COL11A1: variants seen among roughly 807,000 people sequenced by gnomAD.
The protein encoded by COL11A1 is collagen type XI alpha 1 chain.
COL11A1 carries 74 observed loss-of-function variants against 265.2 expected under a neutral mutation model. The ratio of observed to expected loss-of-function variants is 0.28; its 90% CI spans 0.23 to 0.34. The LOEUF (loss-of-function observed/expected upper bound fraction) is 0.34, where lower values mean the gene tolerates loss of function less well. Among genes scored for constraint, COL11A1 ranks in the 10% least tolerant of loss-of-function variants. The pLI is 1.00. For synonymous variants in COL11A1, 816 were observed against 727.6 expected (o/e 1.12, Z -1.96); for missense variants, 2,165 against 2,263.6 (o/e 0.96, Z 0.88).
chr1:102,978,107 A>T (rs1481994529), intron 35 of COL11A1, among the ~76,000 whole-genome samples: 1 of 152,202 alleles, frequency 6.6e-6, no homozygotes, highest in Non-Finnish European at 1.5e-5. Flanking sequence ...ACTTAAACTT[A>T]TATCAGGAGG....
intron 63 of COL11A1, among the ~76,000 whole-genome samples, chr1:102,884,771 G>A (rs1284742247): frequency 2.0e-5 from 3 of 152,096 alleles, no homozygotes; most frequent in African/African-American, 4.8e-5. Context: ...CCAAGTCAAA[G>A]GTCAAACCAT....
chr1:102,915,800 A>G, intron 49 of COL11A1, 116 bp from the exon 50 acceptor site: 1 of 829,950 alleles, frequency 1.2e-6, no homozygotes, highest in Non-Finnish European at 1.9e-6. Context: ...ATTATTTAAA[A>G]GGCATTGAAA....
chr1:102,888,934 A>G lies in COL11A1; in HGVS notation c.4465-15T>C. On this transcript the variant is annotated splice_polypyrimidine_tract_variant and intron_variant, in intron 59 of 66. Transcript: ENST00000370096. ...CCAGGAATTCCCTAGAGAGAGAATC[A>G]GCCAATTTAAAGGGATTTTCTCAGC... The G allele has an allele frequency of 1.2e-6, 2 of 1,608,902 alleles. No individual in the cohort carries two copies. Among genetic ancestry groups the G allele is most frequent in the South Asian group, 1.1e-5 (1 of 90,982 alleles).
At chr1:103,065,570 AAAC>A (rs1185313328) in intron 4 of COL11A1, among the ~76,000 whole-genome samples, 935 of 56,744 alleles carry the variant, frequency 0.016, 8 homozygotes, top group East Asian at 0.057. Flanking sequence ...ACAAACAAAC[AAAC>A]AAAAAAAATA....
At chr1:102,878,668 G>A (rs1412202065) in intron 66 of COL11A1, among the ~76,000 whole-genome samples, 2 of 150,714 alleles carry the variant, frequency 1.3e-5, no homozygotes, top group South Asian at 2.1e-4. Flanking sequence ...GTGCCACCAT[G>A]CCCAGCTACT....
intron 4 of COL11A1, among the ~76,000 whole-genome samples, chr1:103,064,203 A>T (rs1319291852): frequency 6.6e-6 from 1 of 152,142 alleles, no homozygotes; most frequent in African/African-American, 2.4e-5. Flanking sequence ...ACTTCTTGGT[A>T]TTTATCCAAA....
Position 102,944,408 on chromosome 1 carries a change from C to A in COL11A1, c.3276+2441G>T, listed in dbSNP as rs193254830. On this transcript the variant is annotated intron_variant, in intron 42 of 66. Coordinates refer to ENST00000370096, the MANE Select transcript of COL11A1 (RefSeq NM_001854.4). ...ATAATGCTAACAATACAGTGCCTAC[C>A]CCTTAGTTATTCTAAATAGCTAATT... 3.4e-4 allele frequency among the ~76,000 whole-genome samples: 51 copies of A among 152,188 alleles called. 1 individual carries two copies. Among genetic ancestry groups the A allele is most frequent in the Admixed American group, 3.3e-3 (50 of 15,270 alleles).
At chr1:102,946,330 A>C (rs200633700) in intron 42 of COL11A1, among the ~76,000 whole-genome samples, 47 of 150,880 alleles carry the variant, frequency 3.1e-4, no homozygotes, top group African/African-American at 1.1e-3. Context: ...AGTATAATAA[A>C]CCCCCCCCCA....
At chr1:102,909,396 CTCTTT>C (rs960012723) in intron 54 of COL11A1, among the ~76,000 whole-genome samples, 14 of 152,108 alleles carry the variant, frequency 9.2e-5, no homozygotes, top group African/African-American at 3.4e-4. Context: ...CTAGATAAAC[CTCTTT>C]TCTTTATAAA....
chr1:102,877,991 TTGA>T lies in COL11A1; in HGVS notation c.*25_*27del, dbSNP rs780749228. 5 of 1,612,494 alleles carry T rather than the reference TTGA, an allele frequency of 3.1e-6. No homozygotes were observed. The highest frequency in any genetic ancestry group is 3.4e-6 in the Non-Finnish European group (4 of 1,178,872). On this transcript the variant is annotated 3_prime_UTR_variant, in exon 67 of 67. Transcript: ENST00000370096. ...TGGTGGCACCAAGGTATATTTTCTG[TTGA>T]TTTGATATGTTCTTTGTCTTAATCT...
At chr1:103,081,098 T>G (rs1672377910) in intron 2 of COL11A1, among the ~76,000 whole-genome samples, 1 of 151,934 alleles carries the variant, frequency 6.6e-6, no homozygotes, top group African/African-American at 2.4e-5. Context: ...GGAAATTATA[T>G]GAGACTGTAT....
At chr1:102,880,023 T>A (rs1399394533) in intron 65 of COL11A1, 107 bp from the exon 66 acceptor site, 1 of 787,606 alleles carries the variant, frequency 1.3e-6, no homozygotes, top group African/African-American at 1.7e-5. Context: ...AGCATGTAGA[T>A]GAATCAAAAG....
intron 36 of COL11A1, 91 bp downstream of exon 36, chr1:102,974,739 T>G: frequency 1.1e-6 from 1 of 937,884 alleles, no homozygotes; most frequent in Non-Finnish European, 1.7e-6. Context: ...TTATCAATAT[T>G]ATATCTAACA....
At chr1:102,912,322 C>G in intron 53 of COL11A1, 110 bp from the exon 54 acceptor site, 1 of 801,140 alleles carries the variant, frequency 1.2e-6, no homozygotes, top group Non-Finnish European at 2.0e-6. Context: ...TTCCACATGT[C>G]AATATTTCCT....
chr1:102,963,568 T>C (rs1398397181), intron 38 of COL11A1, among the ~76,000 whole-genome samples: 2 of 152,178 alleles, frequency 1.3e-5, no homozygotes, highest in Admixed American at 1.3e-4. Flanking sequence ...TTTTAGATGC[T>C]AAGGTTGTTA....
rs776051361 is a variant in COL11A1 at position 102,974,858 on chromosome 1, A to G, written c.2780T>C (p.Val927Ala). ...AGGGCCTTTTGGTCCAGGGAATCCA[A>G]CTGGACCCTGAGGTCCTTGAGGACC... is the stretch of plus-strand genomic sequence containing the variant. ...ERGPQGPQGP[V>A]GFPGPKGPPG... Residue 927 changes from valine (V) to alanine (A), a missense_variant, in exon 36 of 67, where the codon GTT (valine) becomes GCT (alanine). By Grantham distance (64) the Val-to-Ala change is moderately conservative. Transcript: ENST00000370096. 10 of 1,613,680 alleles carry G rather than the reference A, an allele frequency of 6.2e-6. No homozygotes were observed. Among genetic ancestry groups the G allele is most frequent in the Admixed American group, 3.3e-5 (2 of 60,008 alleles).
chr1:103,097,688 C>A, intron 1 of COL11A1, among the ~76,000 whole-genome samples: 1 of 151,860 alleles, frequency 6.6e-6, no homozygotes, highest in East Asian at 1.9e-4. Context: ...CTGTACTTGT[C>A]GAACGTGGCA....
intron 31 of COL11A1, among the ~76,000 whole-genome samples, chr1:102,980,853 G>A (rs958822202): frequency 3.3e-5 from 5 of 152,028 alleles, no homozygotes; most frequent in African/African-American, 7.2e-5. Context: ...CCAACCTCTC[G>A]GGGTCACATG....
At chr1:103,042,512 G>C (rs1267648193) in intron 4 of COL11A1, among the ~76,000 whole-genome samples, 1 of 151,958 alleles carries the variant, frequency 6.6e-6, no homozygotes, top group Non-Finnish European at 1.5e-5. Context: ...GACCCCTAAA[G>C]TCTGCATCAC....
Sources: gnomAD v4.1 joint callset for allele counts (sites outside exome capture counted in the v4.1 genomes callset) on GRCh38, gnomAD v4.1.1 for gene constraint, MANE v1.5 for transcripts, NCBI Gene and HGNC (gene_info 2026-07-23, HGNC 2026-07-21) for gene names.